The following MYH11 variants were observed in gnomAD, a reference collection of about 807,000 sequenced individuals.
MYH11 encodes the protein myosin heavy chain 11.
MYH11 carries 80 observed loss-of-function variants against 246.6 expected under a neutral mutation model. The observed-to-expected ratio is 0.32, with a 90% CI of 0.27 to 0.39. The LOEUF (loss-of-function observed/expected upper bound fraction) is 0.39, where lower values mean the gene tolerates loss of function less well. Ranked by LOEUF, MYH11 falls within the 10% of genes least tolerant of loss-of-function variation. The pLI is 1.00. For missense variants in MYH11, 2,158 were observed against 2,546.8 expected, an observed-to-expected ratio of 0.85 and a Z score of 3.29; for synonymous variants, 1,071 against 1,015.5, an observed-to-expected ratio of 1.05 and a Z score of -1.04.
chr16:15,829,247 C>T (rs1376496515), intron 2 of MYH11, among the ~76,000 whole-genome samples: 1 of 152,070 alleles, frequency 6.6e-6, no homozygotes, highest in Non-Finnish European at 1.5e-5. Context: ...GCCTTTTCAA[C>T]TCCATCACTA....
chr16:15,780,836 T>C (rs1015604291), intron 6 of MYH11, among the ~76,000 whole-genome samples: 11 of 152,182 alleles, frequency 7.2e-5, no homozygotes, highest in Non-Finnish European at 1.5e-4. Context: ...AAAATGTTGT[T>C]CTAATACAAG....
intron 20 of MYH11, 160 bp from the exon 21 acceptor site, chr16:15,742,051 G>C (rs1330982070): frequency 1.7e-6 from 2 of 1,168,406 alleles, no homozygotes; most frequent in Admixed American, 2.0e-5. Flanking sequence ...CAGCTGGGGT[G>C]GGGGGTGCCT....
chr16:15,823,325 G>C lies in MYH11; in HGVS notation c.432C>G (p.Gly144=). ...YSEKIVDMYK[G]KKRHEMPPHI... The stretch of plus-strand genomic sequence containing the variant: ...GAGGCGGCATCTCGTGCCTCTTCTT[G>C]CCCTTGTACATGTCGACGATCTTCT... The change falls in exon 3 of 41, where the codon GGC becomes GGG. Residue 144 remains glycine (G), a synonymous_variant. Coordinates refer to ENST00000300036, the MANE Select transcript of MYH11 (RefSeq NM_002474.3). 6.2e-7 allele frequency: 1 copy of C among 1,614,212 alleles called. No homozygotes were observed. The highest frequency in any genetic ancestry group is 8.5e-7 in the Non-Finnish European group (1 of 1,180,042).
intron 34 of MYH11, 53 bp from the exon 35 acceptor site, chr16:15,719,766 C>T: frequency 6.2e-7 from 1 of 1,612,602 alleles, no homozygotes; most frequent in Non-Finnish European, 8.5e-7. Context: ...CCCCCAAGTT[C>T]TGCTGCCCAG....
intron 36 of MYH11, 43 bp from the exon 37 acceptor site, chr16:15,718,481 G>T: frequency 6.5e-7 from 1 of 1,536,964 alleles, no homozygotes; most frequent in Non-Finnish European, 8.7e-7. Flanking sequence ...ACCCTCCCCC[G>T]CCTTAAAAGA....
In MYH11 at chr16:15,737,355, G is replaced by A. The variant is rs2272555; in HGVS notation, c.3293+94C>T. 0.42 allele frequency: 650,500 copies of A among 1,554,190 alleles called. 140,987 individuals are homozygous for A. Among genetic ancestry groups the A allele is most frequent in the African/African-American group, 0.68 (50,162 of 73,960 alleles). ...AAGTTCATGCCAAGGGCCTGGGGCC[G>A]CCTTGACCAAGACAGCCACTGCGAA... On this transcript the variant is annotated intron_variant, in intron 25 of 40. Coordinates refer to ENST00000300036, the MANE Select transcript of MYH11 (RefSeq NM_002474.3).
At chr16:15,851,443 G>A (rs1011347639) in intron 1 of MYH11, among the ~76,000 whole-genome samples, 3 of 152,140 alleles carry the variant, frequency 2.0e-5, no homozygotes, top group African/African-American at 4.8e-5. Context: ...AGATGACCGA[G>A]GTCCTGGAAG....
chr16:15,830,792 C>T (rs1451862595), intron 2 of MYH11, among the ~76,000 whole-genome samples: 2 of 151,904 alleles, frequency 1.3e-5, no homozygotes, highest in African/African-American at 2.4e-5. Context: ...GCGGGATGAT[C>T]GCTTGAATCC....
At chr16:15,711,124 T>G (rs1168312984) in intron 40 of MYH11, 1 of 152,136 alleles carries the variant, frequency 6.6e-6, no homozygotes, top group Non-Finnish European at 1.5e-5. Flanking sequence ...ATGCAGCGAG[T>G]GGGGCTTTTC....
At chr16:15,738,771 A>G in intron 23 of MYH11, 83 bp from the exon 24 acceptor site, 3 of 1,501,408 alleles carry the variant, frequency 2.0e-6, no homozygotes, top group Non-Finnish European at 9.2e-7. Flanking sequence ...ATTTCCATGT[A>G]AACAGTTGAA....
intron 40 of MYH11, chr16:15,712,895 T>TTTTTTTTA (rs1567680276): frequency 6.7e-6 from 1 of 148,744 alleles, no homozygotes; most frequent in African/African-American, 2.5e-5. Context: ...TTTTTTTTTT[T>TTTTTTTTA]GAGACCGAGT....
intron 3 of MYH11, among the ~76,000 whole-genome samples, chr16:15,816,374 G>T (rs1029381528): frequency 6.6e-6 from 1 of 151,882 alleles, no homozygotes; most frequent in Non-Finnish European, 1.5e-5. Flanking sequence ...AGAGATTTTG[G>T]GGCAGAATTG....
intron 40 of MYH11, among the ~76,000 whole-genome samples, chr16:15,704,371 G>T (rs1416395095): frequency 6.6e-6 from 1 of 152,080 alleles, no homozygotes; most frequent in Non-Finnish European, 1.5e-5. Flanking sequence ...GGGTGGAGAA[G>T]GTTTTTCAAA....
chr16:15,742,140 T>C (rs925447735), intron 20 of MYH11: 1 of 595,250 alleles, frequency 1.7e-6, no homozygotes, highest in Non-Finnish European at 3.0e-6. Context: ...ACAGAATTAG[T>C]CACCCCAAAA....
At chr16:15,852,773 A>G (rs891459003) in intron 1 of MYH11, among the ~76,000 whole-genome samples, 1 of 152,202 alleles carries the variant, frequency 6.6e-6, no homozygotes, top group African/African-American at 2.4e-5. Flanking sequence ...CAAGGATGAA[A>G]GAGTGGCATT....
chr16:15,855,710 C>T (rs1233517661), intron 1 of MYH11, among the ~76,000 whole-genome samples: 3 of 152,224 alleles, frequency 2.0e-5, no homozygotes, highest in Non-Finnish European at 2.9e-5. Flanking sequence ...AATTCTCTAT[C>T]TTATTTCACA....
chr16:15,751,178 G>T, intron 15 of MYH11, among the ~76,000 whole-genome samples: 1 of 149,930 alleles, frequency 6.7e-6, no homozygotes. Context: ...TTATTTTATT[G>T]AGACGGAGTT....
intron 40 of MYH11, among the ~76,000 whole-genome samples, chr16:15,705,837 C>T (rs868687459): frequency 2.0e-5 from 3 of 151,690 alleles, no homozygotes; most frequent in African/African-American, 4.9e-5. Context: ...AAAAATTAGC[C>T]GGGCGTGCTG....
Position 15,740,304 on chromosome 16 carries a change from C to T in MYH11, c.2860-116G>A, listed in dbSNP as rs998794612. 4.0e-6 allele frequency: 6 copies of T among 1,505,496 alleles called. No individual in the cohort carries two copies. In the Admixed American group the frequency reaches 7.0e-5, roughly 18 times the overall value. The allele number at this position is 1,505,496 out of a possible 1,614,324, so 93.3% of individuals were successfully genotyped here. A position where few individuals can be genotyped will look rare whatever the true frequency, so the allele number is the denominator to read the frequency against. ...CTGAAGATGCCCAGAACTCTGTAGC[C>T]TCCTAAAAGGAAGAAATAAAGGCCT... On this transcript the variant is annotated intron_variant, in intron 22 of 40. Transcript: ENST00000300036.
Sources: gnomAD v4.1 joint callset for allele counts (sites outside exome capture counted in the v4.1 genomes callset) on GRCh38, gnomAD v4.1.1 for gene constraint, MANE v1.5 for transcripts, NCBI Gene and HGNC (gene_info 2026-07-23, HGNC 2026-07-21) for gene names.